CNTN3: variants seen among roughly 807,000 people sequenced by gnomAD.
CNTN3 encodes contactin-3.
CNTN3 carries 60 observed loss-of-function variants against 119.1 expected under a neutral mutation model. The ratio of observed to expected loss-of-function variants is 0.50; its 90% CI spans 0.41 to 0.62. CNTN3 has a LOEUF of 0.62. CNTN3 is among the 20% of genes least tolerant of loss of function. The probability of loss-of-function intolerance (pLI) is 0.00; values close to 1 mark genes in which losing one functional copy is unlikely to be tolerated. For missense variants in CNTN3, 1,101 were observed against 1,242.4 expected, an observed-to-expected ratio of 0.89 and a Z score of 1.71; for synonymous variants, 450 against 438.7, an observed-to-expected ratio of 1.03 and a Z score of -0.32.
At chr3:74,310,852 GCCTTCCAGATC>G (rs2106836484) in intron 13 of CNTN3, among the ~76,000 whole-genome samples, 1 of 152,270 alleles carries the variant, frequency 6.6e-6, no homozygotes, top group Non-Finnish European at 1.5e-5. Flanking sequence ...ATCTGCCACA[GCCTTCCAGATC>G]CATTTTGCAC....
chr3:74,454,525 T>C (rs1316633148), intron 4 of CNTN3, among the ~76,000 whole-genome samples: 1 of 152,144 alleles, frequency 6.6e-6, no homozygotes, highest in Non-Finnish European at 1.5e-5. Flanking sequence ...AAAGTTAATA[T>C]TGTTATGTGT....
In CNTN3 at chr3:74,266,548, T is replaced by C. The variant is rs188000246; in HGVS notation, c.2919A>G (p.Glu973=). ...CCCCTCCATCTGTTGTGGCCTTGAC[T>C]TCAATAATGTAGTCCTCTTTAATGG... is the stretch of plus-strand genomic sequence containing the variant. The part of the protein sequence containing the change: ...VLPIKEDYII[E]VKATTDGGDG... The change falls in exon 22 of 23, where the codon GAA becomes GAG. Residue 973 remains glutamate (E), a synonymous_variant. Coordinates refer to ENST00000263665, the MANE Select transcript of CNTN3 (RefSeq NM_020872.3). 7.6e-5 allele frequency: 123 copies of C among 1,613,680 alleles called. No homozygotes were observed. The highest frequency in any genetic ancestry group is 2.4e-5 in the Non-Finnish European group (28 of 1,179,628).
intron 1 of CNTN3, among the ~76,000 whole-genome samples, chr3:74,585,120 C>A (rs1704573063): frequency 6.6e-6 from 1 of 152,126 alleles, no homozygotes; most frequent in African/African-American, 2.4e-5. Context: ...TAGAAAGTGG[C>A]ATATCTACGT....
At chr3:74,268,623 A>G (rs1701708778) in intron 20 of CNTN3, among the ~76,000 whole-genome samples, 1 of 152,184 alleles carries the variant, frequency 6.6e-6, no homozygotes, top group Non-Finnish European at 1.5e-5. Flanking sequence ...AGTATTCACA[A>G]TGAGTTTAGG....
chr3:74,425,662 T>C (rs1007793071), intron 4 of CNTN3, among the ~76,000 whole-genome samples: 3 of 152,222 alleles, frequency 2.0e-5, no homozygotes, highest in African/African-American at 7.2e-5. Flanking sequence ...CACCATATCA[T>C]GAATACTTTT....
chr3:74,263,329 A>G lies in CNTN3; in HGVS notation c.*1072T>C, dbSNP rs1701610313. ...TCACTCAGATAGATGGTGGGATTTC[A>G]TTAAAAAACCATCTCTGCCATCCAA... is the stretch of plus-strand genomic sequence containing the variant. On this transcript the variant is annotated 3_prime_UTR_variant, in exon 23 of 23. Coordinates refer to ENST00000263665, the MANE Select transcript of CNTN3 (RefSeq NM_020872.3). 6.6e-6 allele frequency: 1 copy of G among 152,096 alleles called. No individual in the cohort carries two copies. The highest frequency in any genetic ancestry group is 6.6e-5 in the Admixed American group (1 of 15,252). 9.4% of individuals were successfully genotyped at this position (152,096 alleles called of 1,614,324 possible).
intron 11 of CNTN3, among the ~76,000 whole-genome samples, chr3:74,345,696 G>A (rs1703673106): frequency 6.6e-6 from 1 of 152,062 alleles, no homozygotes; most frequent in Non-Finnish European, 1.5e-5. Context: ...ACTGGATTTG[G>A]ACACACACAT....
intron 1 of CNTN3, among the ~76,000 whole-genome samples, chr3:74,561,100 C>A (rs376832599): frequency 6.6e-6 from 1 of 150,812 alleles, no homozygotes; most frequent in Non-Finnish European, 1.5e-5. Flanking sequence ...GGGTGCAGCA[C>A]GCCAACATGG....
At chr3:74,590,821 A>T (rs893309035) in intron 1 of CNTN3, among the ~76,000 whole-genome samples, 1 of 152,048 alleles carries the variant, frequency 6.6e-6, no homozygotes, top group African/African-American at 2.4e-5. Flanking sequence ...ACATATCAGA[A>T]AACACATCAA....
chr3:74,300,659 T>C (rs1181936569), intron 16 of CNTN3, among the ~76,000 whole-genome samples: 1 of 152,224 alleles, frequency 6.6e-6, no homozygotes, highest in Non-Finnish European at 1.5e-5. Context: ...AACAGCATCA[T>C]GAAAATTACT....
In CNTN3 at chr3:74,588,638, G is replaced by A. The variant is rs142914041; in HGVS notation, c.-81+25753C>T. Among the ~76,000 whole-genome samples, 243 of 152,052 alleles carry A rather than the reference G, an allele frequency of 1.6e-3. 2 individuals carry two copies. The highest frequency in any genetic ancestry group is 0.011 in the South Asian group (54 of 4,796). ...TTCCTATGGAACCAAAAAAGAGCCCGCATCACCAAGTCATTCCTAAGCCAA... is the reference window on the plus strand; with the variant it reads ...TTCCTATGGAACCAAAAAAGAGCCCACATCACCAAGTCATTCCTAAGCCAA... On this transcript the variant is annotated intron_variant, in intron 1 of 22. Transcript: ENST00000263665.
chr3:74,509,616 TC>T (rs1457001814), intron 2 of CNTN3, among the ~76,000 whole-genome samples: 1 of 152,138 alleles, frequency 6.6e-6, no homozygotes, highest in Non-Finnish European at 1.5e-5. Context: ...CCTATTGCTT[TC>T]CTTAATAATG....
At chr3:74,381,063 TTCTCTCTCTCTC>T (rs934368808) in intron 5 of CNTN3, among the ~76,000 whole-genome samples, 1 of 146,584 alleles carries the variant, frequency 6.8e-6, no homozygotes. Flanking sequence ...GTTTTTTTTT[TTCTCTCTCTCTC>T]TCTCTCTCTC....
At chr3:74,589,174 A>T (rs1433542545) in intron 1 of CNTN3, among the ~76,000 whole-genome samples, 2 of 152,126 alleles carry the variant, frequency 1.3e-5, no homozygotes, top group African/African-American at 4.8e-5. Flanking sequence ...CAGGCAACCT[A>T]CAAAATGGGA....
intron 5 of CNTN3, among the ~76,000 whole-genome samples, chr3:74,388,747 C>A (rs1704820318): frequency 6.6e-6 from 1 of 152,292 alleles, no homozygotes; most frequent in African/African-American, 2.4e-5. Flanking sequence ...CTGGCCTTTA[C>A]AACTTCAACA....
intron 13 of CNTN3, among the ~76,000 whole-genome samples, chr3:74,334,166 T>A (rs560601190): frequency 4.5e-4 from 68 of 152,228 alleles, no homozygotes; most frequent in Non-Finnish European, 1.9e-4. Flanking sequence ...AGAAAGCATT[T>A]GTGTTGTGGA....
Position 74,369,889 on chromosome 3 carries a change from T to C in CNTN3, c.761A>G (p.Asn254Ser). 6.3e-7 allele frequency: 1 copy of C among 1,575,602 alleles called. No individual in the cohort carries two copies. Among genetic ancestry groups the C allele is most frequent in the Non-Finnish European group, 8.7e-7 (1 of 1,147,700 alleles). ...TAGGAGTAAATGTTATAAAACTTACTTTCCAAGGGCAAAACATTCCAATTT... is the reference window on the plus strand; with the variant it reads ...TAGGAGTAAATGTTATAAAACTTACCTTCCAAGGGCAAAACATTCCAATTT... The part of the protein sequence containing the change: ...TVKLECFALG[N>S]PIPQINWRRS... The change falls in exon 7 of 23, where the codon AAT becomes AGT. Residue 254 changes from asparagine to serine, a missense_variant and splice_region_variant. By Grantham distance (46) the Asn-to-Ser change is conservative. Transcript: ENST00000263665.
At chr3:74,580,854 G>T (rs1704493975) in intron 1 of CNTN3, among the ~76,000 whole-genome samples, 1 of 152,136 alleles carries the variant, frequency 6.6e-6, no homozygotes, top group South Asian at 2.1e-4. Flanking sequence ...ATGTAGCTGG[G>T]ACTACTGACG....
intron 3 of CNTN3, among the ~76,000 whole-genome samples, chr3:74,495,124 C>A (rs1319927310): frequency 6.6e-6 from 1 of 151,886 alleles, no homozygotes; most frequent in African/African-American, 2.4e-5. Context: ...GTGTGGGGAC[C>A]AGAGCTCACC....
Sources: allele counts gnomAD v4.1 joint callset (sites outside exome capture counted in the v4.1 genomes callset), GRCh38; gene constraint gnomAD v4.1.1; transcripts MANE v1.5; gene names NCBI Gene and HGNC (gene_info 2026-07-23, HGNC 2026-07-21).